CCDC88A: variants seen among roughly 807,000 people sequenced by gnomAD.
The protein encoded by CCDC88A is coiled-coil and HOOK domain protein 88A.
A neutral mutation model predicts 234.3 loss-of-function variants in CCDC88A; 54 were observed. The ratio of observed to expected loss-of-function variants is 0.23; its 90% CI spans 0.19 to 0.29. The LOEUF is 0.29. CCDC88A is among the 10% of genes least tolerant of loss of function. The pLI is 1.00. For synonymous variants in CCDC88A, 753 were observed against 737.8 expected (o/e 1.02, Z -0.33); for missense variants, 1,832 against 2,123.4 (o/e 0.86, Z 2.70).
At position 55,315,976 on chromosome 2, in the gene CCDC88A, T is replaced by C. The variant is rs1479008108; in HGVS notation, c.3885A>G (p.Gln1295=). Residue 1295 remains glutamine (Q), a synonymous_variant, in exon 22 of 33, where the codon CAA becomes CAG. Coordinates refer to ENST00000436346, the MANE Select transcript of CCDC88A (RefSeq NM_001365480.1). ...LEAEFSKLKE[Q]YQQLDITSTK... is the part of the protein sequence containing the mutation. The stretch of plus-strand genomic sequence containing the variant: ...TTGATGTAATATCCAATTGTTGGTA[T>C]TGTTCCTTTAGTTTTGAAAATTCAG... 2 of 1,591,478 alleles carry C rather than the reference T, an allele frequency of 1.3e-6. No individual in the cohort carries two copies. The highest frequency in any genetic ancestry group is 1.7e-6 in the Non-Finnish European group (2 of 1,170,808).
At chr2:55,301,152 G>T in intron 28 of CCDC88A, 54 bp downstream of exon 28, 1 of 1,051,384 alleles carries the variant, frequency 9.5e-7, no homozygotes, top group Non-Finnish European at 1.5e-6. Context: ...AAGAGTCCTA[G>T]CATTCCCATT....
At chr2:55,371,591 G>A (rs1461531005) in intron 5 of CCDC88A, among the ~76,000 whole-genome samples, 1 of 152,150 alleles carries the variant, frequency 6.6e-6, no homozygotes, top group Non-Finnish European at 1.5e-5. Context: ...TTTAAACTTA[G>A]AGTAATCATC....
chr2:55,393,289 G>GTTTTTTTTTTTTTTTTT (rs558827055), intron 2 of CCDC88A, among the ~76,000 whole-genome samples: 2 of 61,680 alleles, frequency 3.2e-5, no homozygotes, highest in Non-Finnish European at 5.4e-5. Context: ...GGTTTTTTGG[G>GTTTTTTTTTTTTTTTTT]TTTTTTTTTT....
Position 55,288,564 on chromosome 2 carries a change from T to C in CCDC88A, c.*2636A>G, listed in dbSNP as rs1679221676. The C allele has an allele frequency of 6.5e-6, 1 of 152,680 alleles. No individual in the cohort carries two copies. Among genetic ancestry groups the C allele is most frequent in the Non-Finnish European group, 1.5e-5 (1 of 68,030 alleles). 9.5% of individuals were successfully genotyped at this position (152,680 alleles called of 1,614,324 possible). A position where few individuals can be genotyped will look rare whatever the true frequency, so the allele number is the denominator to read the frequency against. Reference sequence around the variant, plus strand: ...TATAATATGCACAGTGATTTTAAAATAGGCTTTTTGCATGCCTTGCATGAA... The same window carrying C: ...TATAATATGCACAGTGATTTTAAAACAGGCTTTTTGCATGCCTTGCATGAA... On this transcript the variant is annotated 3_prime_UTR_variant, in exon 33 of 33. Transcript: ENST00000436346.
At position 55,355,683 on chromosome 2, in the gene CCDC88A, C is replaced by T. The variant is rs374281408; in HGVS notation, c.696G>A (p.Gln232=). Residue 232 remains glutamine (Q), a synonymous_variant, in exon 8 of 33, where the codon CAG becomes CAA. Transcript: ENST00000436346. The part of the protein sequence containing the change: ...HFLPHASSSA[Q]SPCGSPGMKR... ...TCATGCCTGGAGAACCACAGGGTGACTGTGCAGATGAAGAGGCATGGGGTA... is the reference window on the plus strand; with the variant it reads ...TCATGCCTGGAGAACCACAGGGTGATTGTGCAGATGAAGAGGCATGGGGTA... 1.9e-6 allele frequency: 3 copies of T among 1,613,918 alleles called. No individual in the cohort carries two copies. The highest frequency in any genetic ancestry group is 2.7e-5 in the African/African-American group (2 of 74,922).
At position 55,288,484 on chromosome 2, in the gene CCDC88A, T is replaced by A. The variant is rs2104529343; in HGVS notation, c.*2716A>T. ...ACAGTATCTTTTTCATTTCCTGACA[T>A]AAACCATTAAGACAGCACAGGCTGT... On this transcript the variant is annotated 3_prime_UTR_variant, in exon 33 of 33. Transcript: ENST00000436346. 6.5e-6 allele frequency: 1 copy of A among 152,798 alleles called. No homozygotes were observed. The highest frequency in any genetic ancestry group is 1.9e-4 in the East Asian group (1 of 5,192). 9.5% of individuals were successfully genotyped at this position (152,798 alleles called of 1,614,324 possible). A position where few individuals can be genotyped will look rare whatever the true frequency, so the allele number is the denominator to read the frequency against.
At chr2:55,312,625 A>C (rs543193915) in intron 22 of CCDC88A, 46 bp from the exon 23 acceptor site, 1 of 1,380,804 alleles carries the variant, frequency 7.2e-7, no homozygotes, top group Admixed American at 1.9e-5. Context: ...TTTACATTTA[A>C]CATAAATCAA....
chr2:55,301,500 A>G (rs1231013034), intron 27 of CCDC88A: 3 of 502,750 alleles, frequency 6.0e-6, no homozygotes, highest in South Asian at 2.9e-5. Context: ...CAATGAAACA[A>G]TCTCCCCTCT....
chr2:55,399,526 C>CAAA (rs34218112), intron 2 of CCDC88A, among the ~76,000 whole-genome samples: 3 of 88,428 alleles, frequency 3.4e-5, no homozygotes, highest in South Asian at 4.1e-4. Flanking sequence ...GACTCTGTCT[C>CAAA]AAAAAAAAAA....
intron 10 of CCDC88A, among the ~76,000 whole-genome samples, chr2:55,345,050 A>G (rs533650340): frequency 6.6e-6 from 1 of 152,288 alleles, no homozygotes; most frequent in Admixed American, 6.5e-5. Context: ...TGTTTTGAAG[A>G]CAAGTGTTCA....
intron 26 of CCDC88A, 194 bp downstream of exon 26, chr2:55,302,875 G>A: frequency 2.2e-6 from 1 of 449,342 alleles, no homozygotes; most frequent in Non-Finnish European, 4.1e-6. Flanking sequence ...GCACGTATAT[G>A]TATCAGTGGA....
At chr2:55,391,037 C>T (rs1438054373) in intron 2 of CCDC88A, among the ~76,000 whole-genome samples, 1 of 152,140 alleles carries the variant, frequency 6.6e-6, no homozygotes, top group East Asian at 1.9e-4. Context: ...GCATGTATAA[C>T]CTAAAACTCC....
At chr2:55,299,963 G>C (rs761879357) in intron 28 of CCDC88A, 44 bp from the exon 29 acceptor site, 1 of 1,291,174 alleles carries the variant, frequency 7.7e-7, no homozygotes, top group Non-Finnish European at 1.1e-6. Flanking sequence ...ACTTCTAGCT[G>C]ATGATGCTGA....
chr2:55,334,842 G>C lies in CCDC88A; in HGVS notation c.1979C>G (p.Ala660Gly), dbSNP rs757783781. The change falls in exon 15 of 33, where the codon GCC becomes GGC. Residue 660 changes from alanine (A) to glycine (G), a missense_variant. Physicochemically the swap from Ala to Gly is moderately conservative, Grantham distance 60. Coordinates refer to ENST00000436346, the MANE Select transcript of CCDC88A (RefSeq NM_001365480.1). This position sits in a 1 kb window ranked among gnomAD's most constrained non-coding sequence, Gnocchi z 6.1. ...TAGCTCTGAATTTTCTTGTTCTAAG[G>C]CCTCAATTTTTTCACAAGTAATTTT... Reference protein sequence around the residue: ...NLKITCEKIEALEQENSELER... With the variant: ...NLKITCEKIEGLEQENSELER... 1 of 1,543,306 alleles carries C rather than the reference G, an allele frequency of 6.5e-7. No individual in the cohort carries two copies. Among genetic ancestry groups the C allele is most frequent in the South Asian group, 1.2e-5 (1 of 82,774 alleles).
chr2:55,333,548 T>A (rs1318907259), intron 15 of CCDC88A, among the ~76,000 whole-genome samples: 1 of 152,188 alleles, frequency 6.6e-6, no homozygotes, highest in Non-Finnish European at 1.5e-5. Context: ...ACTCTGCTAT[T>A]TATTAGCTGT....
rs1443513415 is a variant in CCDC88A at position 55,299,528 on chromosome 2, T to C, written c.4825+311A>G. Among the ~76,000 whole-genome samples, 6 of 152,142 alleles carry C rather than the reference T, an allele frequency of 3.9e-5. No homozygotes were observed. The East Asian group carries it at 1.2e-3, about 29-fold the overall frequency. On this transcript the variant is annotated intron_variant, in intron 29 of 32. Coordinates refer to ENST00000436346, the MANE Select transcript of CCDC88A (RefSeq NM_001365480.1). ...TGCGTCATAAGAAAATGAAGGACAA[T>C]CATTTTCATGTCAAAGACAAAATGT...
Position 55,372,388 on chromosome 2 carries a change from C to G in CCDC88A, c.402+64G>C, listed in dbSNP as rs964589810. 1.2e-5 allele frequency: 10 copies of G among 805,822 alleles called. No homozygotes were observed. In the African/African-American group the frequency reaches 1.6e-4, roughly 13 times the overall value. 49.9% of individuals were successfully genotyped at this position (805,822 alleles called of 1,614,324 possible). On this transcript the variant is annotated intron_variant, in intron 5 of 32. Coordinates refer to ENST00000436346, the MANE Select transcript of CCDC88A (RefSeq NM_001365480.1). ...CCATCCTTAAGTCTTTCAGAAACTA[C>G]AGCCTGATAAAAATATATAAAGAGG...
rs557599063 is a variant in CCDC88A, at chr2:55,397,957, G to A, written c.165-9071C>T. ...AAAATAATTCTGGGTATAAAAGGAA[G>A]GAATTATATAGTTATATACTAATGA... is the stretch of plus-strand genomic sequence containing the variant. On this transcript the variant is annotated intron_variant, in intron 2 of 32. Coordinates refer to ENST00000436346, the MANE Select transcript of CCDC88A (RefSeq NM_001365480.1). 1.4e-3 allele frequency among the ~76,000 whole-genome samples: 209 copies of A among 152,016 alleles called. 4 individuals are homozygous for A. In the South Asian group the frequency reaches 0.039, roughly 28 times the overall value.
Position 55,399,756 on chromosome 2 carries a change from T to C in CCDC88A, c.165-10870A>G, listed in dbSNP as rs367706636. On this transcript the variant is annotated intron_variant, in intron 2 of 32. Transcript: ENST00000436346. ...TGTTACTTAGCTGAAGCACATTTGATAAAGCTATCTCTGCATAGAATTCGA... is the reference window on the plus strand; with the variant it reads ...TGTTACTTAGCTGAAGCACATTTGACAAAGCTATCTCTGCATAGAATTCGA... 5.9e-5 allele frequency: 9 copies of C among 152,328 alleles called. No individual in the cohort carries two copies. The East Asian group carries it at 1.2e-3, about 20-fold the overall frequency. 9.4% of individuals were successfully genotyped at this position (152,328 alleles called of 1,614,324 possible).
Sources: allele counts gnomAD v4.1 joint callset (sites outside exome capture counted in the v4.1 genomes callset), GRCh38; gene constraint gnomAD v4.1.1; non-coding constraint Gnocchi (gnomAD v3.1); transcripts MANE v1.5; gene names NCBI Gene and HGNC (gene_info 2026-07-23, HGNC 2026-07-21).